CLGN: variants seen among roughly 807,000 people sequenced by gnomAD.
CLGN encodes calmegin.
Under a neutral mutation model 79.1 loss-of-function variants are expected in CLGN, and 62 were observed. The ratio of observed to expected loss-of-function variants is 0.78; its 90% CI spans 0.64 to 0.97. The LOEUF is 0.97. Among genes scored for constraint, CLGN ranks in the 50% least tolerant of loss-of-function variants. CLGN has a pLI of 0.00. For missense variants in CLGN, 647 were observed against 715.5 expected (o/e 0.90, Z 1.09); for synonymous variants, 225 against 224.7 (o/e 1.00, Z -0.01).
At chr4:140,408,541 G>T (rs1190737010) in intron 4 of CLGN, among the ~76,000 whole-genome samples, 1 of 151,936 alleles carries the variant, frequency 6.6e-6, no homozygotes, top group East Asian at 1.9e-4. Flanking sequence ...CTCAAAAGAA[G>T]ATATAGAAAT....
chr4:140,396,043 G>A (rs370380707), intron 9 of CLGN, 49 bp downstream of exon 9: 41 of 1,608,286 alleles, frequency 2.5e-5, no homozygotes, highest in Non-Finnish European at 3.5e-5. Context: ...TAACAAAAAT[G>A]CATGTAAGAA....
intron 8 of CLGN, among the ~76,000 whole-genome samples, chr4:140,396,872 T>TATACAC (rs1379612334): frequency 2.7e-4 from 10 of 37,514 alleles, no homozygotes; most frequent in African/African-American, 6.5e-4. Context: ...CATATATATA[T>TATACAC]ACATATATAT....
chr4:140,398,993 C>T lies in CLGN; in HGVS notation c.742G>A (p.Val248Ile). Residue 248 changes from valine to isoleucine, a missense_variant, in exon 8 of 15, where the codon GTA becomes ATA. By Grantham distance (29) the Val-to-Ile change is conservative. Coordinates refer to ENST00000325617, the MANE Select transcript of CLGN (RefSeq NM_004362.3). ...TFEVLVDQTV[V>I]NKGSLLEDVV... ...TCCTCTAGGAGGCTTCCTTTGTTTA[C>T]AACTGTTTGATCAACTAACACCTCA... 1 of 1,613,774 alleles carries T rather than the reference C, an allele frequency of 6.2e-7. No homozygotes were observed. The highest frequency in any genetic ancestry group is 2.2e-5 in the East Asian group (1 of 44,818).
chr4:140,418,893 C>T (rs1209488070), intron 1 of CLGN, among the ~76,000 whole-genome samples: 1 of 152,174 alleles, frequency 6.6e-6, no homozygotes, highest in Non-Finnish European at 1.5e-5. Flanking sequence ...GCTATAAAGA[C>T]TCATGCACAC....
chr4:140,403,851 CCAG>C lies in CLGN; in HGVS notation c.420-1788_420-1786del, dbSNP rs1729042220. On this transcript the variant is annotated intron_variant, in intron 5 of 14. Coordinates refer to ENST00000325617, the MANE Select transcript of CLGN (RefSeq NM_004362.3). ...ATACAGCTTGACTACTGCTAAACTT[CCAG>C]TCATAGGAAAACCAAGGACATATGC... Among the ~76,000 whole-genome samples, 6 of 152,096 alleles carry C rather than the reference CCAG, an allele frequency of 3.9e-5. No homozygotes were observed. The South Asian group carries it at 8.3e-4, about 21-fold the overall frequency.
At chr4:140,399,521 T>C (rs1202902532) in intron 7 of CLGN, among the ~76,000 whole-genome samples, 1 of 152,230 alleles carries the variant, frequency 6.6e-6, no homozygotes, top group African/African-American at 2.4e-5. Flanking sequence ...AAGATATTTA[T>C]TATATCACAT....
chr4:140,404,550 C>T (rs1438997396), intron 5 of CLGN, among the ~76,000 whole-genome samples: 1 of 152,078 alleles, frequency 6.6e-6, no homozygotes, highest in African/African-American at 2.4e-5. Flanking sequence ...TTATTTACCC[C>T]ATTTCATTTT....
intron 1 of CLGN, among the ~76,000 whole-genome samples, chr4:140,419,197 C>A (rs186441667): frequency 0.031 from 4,684 of 151,640 alleles, 238 homozygotes; most frequent in African/African-American, 0.11. Flanking sequence ...ACTCTGGGGA[C>A]TGTTGTGGGG....
intron 8 of CLGN, among the ~76,000 whole-genome samples, chr4:140,396,769 G>C (rs1728884958): frequency 1.3e-5 from 2 of 150,236 alleles, no homozygotes; most frequent in Non-Finnish European, 3.0e-5. Flanking sequence ...TGTTGGCCAG[G>C]TTGGTCTTGA....
At chr4:140,391,528 TA>T (rs1282888374) in intron 13 of CLGN, among the ~76,000 whole-genome samples, 3 of 151,888 alleles carry the variant, frequency 2.0e-5, no homozygotes, top group Admixed American at 1.3e-4. Flanking sequence ...TACTGTCTCT[TA>T]AAAAATAGAT....
At chr4:140,389,963 C>G (rs1728742041) in intron 14 of CLGN, among the ~76,000 whole-genome samples, 2 of 151,614 alleles carry the variant, frequency 1.3e-5, no homozygotes. Flanking sequence ...TAAGGCTACC[C>G]AGCTCTTTAA....
At chr4:140,397,903 C>CAAACAA (rs750914537) in intron 8 of CLGN, among the ~76,000 whole-genome samples, 8 of 152,032 alleles carry the variant, frequency 5.3e-5, no homozygotes, top group Non-Finnish European at 1.0e-4. Context: ...GATTCCATCT[C>CAAACAA]AAACAAAAAC....
chr4:140,413,014 A>G lies in CLGN; in HGVS notation c.65T>C (p.Met22Thr). Residue 22 changes from methionine (M) to threonine (T), a missense_variant, in exon 2 of 15, where the codon ATG (methionine) becomes ACG (threonine). By Grantham distance (81) the Met-to-Thr change is moderately conservative. Transcript: ENST00000325617. ...LLFISINAEF[M>T]DDDVETEDFE... is the part of the protein sequence containing the mutation. ...GTCTTCCGTCTCAACATCATCATCCATAAATTCTGCATTAATTGAGATGAA... is the reference window on the plus strand; with the variant it reads ...GTCTTCCGTCTCAACATCATCATCCGTAAATTCTGCATTAATTGAGATGAA... 1 of 1,613,460 alleles carries G rather than the reference A, an allele frequency of 6.2e-7. No homozygotes were observed.
chr4:140,413,598 C>A (rs889978119), intron 1 of CLGN, among the ~76,000 whole-genome samples: 1 of 152,200 alleles, frequency 6.6e-6, no homozygotes, highest in Non-Finnish European at 1.5e-5. Flanking sequence ...GGGTGACGGA[C>A]GGCACCTGGA....
chr4:140,389,248 G>A lies in CLGN; in HGVS notation c.1809C>T (p.Arg603=). Residue 603 remains arginine, a synonymous_variant, in exon 15 of 15, where the codon CGC becomes CGT. Coordinates refer to ENST00000325617, the MANE Select transcript of CLGN (RefSeq NM_004362.3). ...GSGDGPIKSV[R]KRRVRKD ...TTTAGTCCTTTCGTACTCTTCTTTTGCGTACTGACTTTATCGGCCCATCTC... is the reference window on the plus strand; with the variant it reads ...TTTAGTCCTTTCGTACTCTTCTTTTACGTACTGACTTTATCGGCCCATCTC... 8.1e-6 allele frequency: 13 copies of A among 1,612,266 alleles called. No individual in the cohort carries two copies. The highest frequency in any genetic ancestry group is 1.1e-5 in the Non-Finnish European group (13 of 1,178,806).
chr4:140,405,245 C>T (rs1729081849), intron 5 of CLGN, among the ~76,000 whole-genome samples: 1 of 137,498 alleles, frequency 7.3e-6, no homozygotes, highest in African/African-American at 2.7e-5. Flanking sequence ...AGTGCAGTGG[C>T]GGGATCTCGG....
chr4:140,424,246 C>T (rs1453397390), intron 1 of CLGN, among the ~76,000 whole-genome samples: 2 of 152,218 alleles, frequency 1.3e-5, no homozygotes, highest in East Asian at 3.9e-4. Context: ...GTTTTTCTAA[C>T]TTTTCTTGAG....
intron 4 of CLGN, 108 bp downstream of exon 4, chr4:140,409,729 G>A (rs1232791173): frequency 8.8e-6 from 5 of 567,258 alleles, no homozygotes; most frequent in East Asian, 3.2e-5. Context: ...TTTATTGTGA[G>A]GCAGGGTGGG....
chr4:140,410,831 T>C (rs1729196944), intron 2 of CLGN, among the ~76,000 whole-genome samples: 1 of 151,934 alleles, frequency 6.6e-6, no homozygotes, highest in African/African-American at 2.4e-5. Flanking sequence ...ACAAAAATAC[T>C]ATACGTACAA....
Sources: gnomAD v4.1 joint callset for allele counts (sites outside exome capture counted in the v4.1 genomes callset) on GRCh38, gnomAD v4.1.1 for gene constraint, MANE v1.5 for transcripts, NCBI Gene and HGNC (gene_info 2026-07-23, HGNC 2026-07-21) for gene names.